Variants in SPTLC1 observed in about 807,000 individuals in gnomAD.
The protein encoded by SPTLC1 is serine palmitoyltransferase 1.
Under a neutral mutation model 68.9 loss-of-function variants are expected in SPTLC1, and 55 were observed. That is an observed-to-expected ratio of 0.80 (90% confidence interval 0.64 to 1.00). The LOEUF is 1.00. Among genes scored for constraint, SPTLC1 ranks in the 50% least tolerant of loss-of-function variants. The probability of loss-of-function intolerance (pLI) is 0.00; values close to 1 mark genes in which losing one functional copy is unlikely to be tolerated. For synonymous variants in SPTLC1, 197 were observed against 201.6 expected, an observed-to-expected ratio of 0.98 and a Z score of 0.19; for missense variants, 449 against 573.1, an observed-to-expected ratio of 0.78 and a Z score of 2.21.
intron 6 of SPTLC1, among the ~76,000 whole-genome samples, chr9:92,060,079 G>C (rs1834033524): frequency 6.6e-6 from 1 of 152,082 alleles, no homozygotes; most frequent in Non-Finnish European, 1.5e-5. Flanking sequence ...AGGACTATTA[G>C]CATCACCCAG....
intron 5 of SPTLC1, 151 bp downstream of exon 5, chr9:92,079,865 T>C: frequency 2.7e-6 from 2 of 748,368 alleles, no homozygotes; most frequent in Non-Finnish European, 4.8e-6. Context: ...ATATTGCCCA[T>C]GCTGGTATCA....
intron 3 of SPTLC1, among the ~76,000 whole-genome samples, chr9:92,102,238 TG>T (rs1281959389): frequency 1.3e-5 from 2 of 152,246 alleles, no homozygotes; most frequent in Non-Finnish European, 2.9e-5. Flanking sequence ...CAAATGCTTA[TG>T]GAATTCATCA....
intron 6 of SPTLC1, among the ~76,000 whole-genome samples, chr9:92,063,925 C>T (rs900794663): frequency 7.9e-5 from 12 of 152,230 alleles, no homozygotes; most frequent in Non-Finnish European, 1.0e-4. Flanking sequence ...AAAGAGTAAA[C>T]GCTTTCTAAT....
At chr9:92,096,545 T>TA (rs894349160) in intron 3 of SPTLC1, among the ~76,000 whole-genome samples, 206 of 152,328 alleles carry the variant, frequency 1.4e-3, no homozygotes, top group African/African-American at 4.7e-3. Context: ...AGACCATCCT[T>TA]ACATTTATGG....
In SPTLC1 at chr9:92,031,797, C is replaced by T. The variant is rs1395393023; in HGVS notation, c.*668G>A. The T allele has an allele frequency of 6.5e-6, 1 of 153,438 alleles. No individual in the cohort carries two copies. The highest frequency in any genetic ancestry group is 1.5e-5 in the Non-Finnish European group (1 of 68,668). 9.5% of individuals were successfully genotyped at this position (153,438 alleles called of 1,614,324 possible). A position where few individuals can be genotyped will look rare whatever the true frequency, so the allele number is the denominator to read the frequency against. On this transcript the variant is annotated 3_prime_UTR_variant, in exon 15 of 15. Coordinates refer to ENST00000262554, the MANE Select transcript of SPTLC1 (RefSeq NM_006415.4). ...AGCTTCTGATTTAAATTATTGCTCACTTAGGAAGTATAATGAATATTCTCT... is the reference window on the plus strand; with the variant it reads ...AGCTTCTGATTTAAATTATTGCTCATTTAGGAAGTATAATGAATATTCTCT...
At chr9:92,107,405 T>C (rs7859570) in intron 3 of SPTLC1, among the ~76,000 whole-genome samples, 80,751 of 152,094 alleles carry the variant, frequency 0.53, 24,627 homozygotes, top group African/African-American at 0.85. Context: ...TCAAATTAGA[T>C]CTTTAGGGTA....
At chr9:92,038,199 C>A in intron 13 of SPTLC1, 49 bp downstream of exon 13, 1 of 1,265,350 alleles carries the variant, frequency 7.9e-7, no homozygotes, top group Non-Finnish European at 1.2e-6. Flanking sequence ...TTGCTTGGGG[C>A]AAGGGCAGAA....
At chr9:92,066,112 C>G (rs1834270581) in intron 6 of SPTLC1, among the ~76,000 whole-genome samples, 1 of 152,120 alleles carries the variant, frequency 6.6e-6, no homozygotes, top group Non-Finnish European at 1.5e-5. Context: ...AAGTAATGGG[C>G]TCCCAGCAAG....
At chr9:92,077,903 T>C (rs1834740967) in intron 5 of SPTLC1, among the ~76,000 whole-genome samples, 1 of 152,080 alleles carries the variant, frequency 6.6e-6, no homozygotes, top group Non-Finnish European at 1.5e-5. Flanking sequence ...TCCCATTCCC[T>C]TGCCACCCTC....
intron 10 of SPTLC1, 52 bp downstream of exon 10, chr9:92,047,561 C>T (rs773735038): frequency 4.0e-5 from 48 of 1,194,324 alleles, no homozygotes; most frequent in Non-Finnish European, 5.6e-5. Context: ...TTTGAGGTGA[C>T]CAATGGAGAA....
At chr9:92,035,030 C>A in intron 13 of SPTLC1, 147 bp from the exon 14 acceptor site, 1 of 754,906 alleles carries the variant, frequency 1.3e-6, no homozygotes, top group South Asian at 1.4e-5. Context: ...TACTACACCA[C>A]CACCTTGGCA....
chr9:92,093,763 C>A (rs559967785), intron 3 of SPTLC1, among the ~76,000 whole-genome samples: 1 of 152,226 alleles, frequency 6.6e-6, no homozygotes, highest in East Asian at 1.9e-4. Flanking sequence ...TCTAATGGAG[C>A]TCTATAAACT....
chr9:92,058,305 G>A (rs1833965697), intron 7 of SPTLC1, among the ~76,000 whole-genome samples: 1 of 151,858 alleles, frequency 6.6e-6, no homozygotes, highest in African/African-American at 2.4e-5. Flanking sequence ...CAAATATTTG[G>A]AAAATTGAAA....
At chr9:92,063,189 A>G (rs1408452439) in intron 6 of SPTLC1, among the ~76,000 whole-genome samples, 1 of 152,286 alleles carries the variant, frequency 6.6e-6, no homozygotes, top group East Asian at 1.9e-4. Context: ...AACAAGGTAT[A>G]TAACTGTGGA....
intron 14 of SPTLC1, 94 bp from the exon 15 acceptor site, chr9:92,032,652 G>A: frequency 6.7e-7 from 1 of 1,502,372 alleles, no homozygotes; most frequent in East Asian, 2.3e-5. Flanking sequence ...CAAGGCAGGT[G>A]GATCACGAGG....
chr9:92,094,044 T>C (rs1835452926), intron 3 of SPTLC1, among the ~76,000 whole-genome samples: 1 of 152,236 alleles, frequency 6.6e-6, no homozygotes, highest in South Asian at 2.1e-4. Flanking sequence ...ATTAAAAATC[T>C]AAAAGGTATT....
Position 92,054,858 on chromosome 9 carries a change from G to A in SPTLC1, c.780+547C>T, listed in dbSNP as rs1424546053. On this transcript the variant is annotated intron_variant, in intron 8 of 14. Transcript: ENST00000262554. ...AACCTCGGGGAGGAGGTTGCAGTGA[G>A]CCAAGATGGCGCCACTGCACTCCAG... is the stretch of plus-strand genomic sequence containing the variant. Among the ~76,000 whole-genome samples, 2 of 152,100 alleles carry A rather than the reference G, an allele frequency of 1.3e-5. 1 individual carries two copies.
intron 10 of SPTLC1, 63 bp from the exon 11 acceptor site, chr9:92,047,331 G>T: frequency 7.2e-7 from 1 of 1,390,104 alleles, no homozygotes; most frequent in Non-Finnish European, 1.0e-6. Flanking sequence ...ACATTTGAAA[G>T]GCACCAGTTC....
At chr9:92,112,953 C>T (rs979389663) in intron 1 of SPTLC1, among the ~76,000 whole-genome samples, 1 of 151,952 alleles carries the variant, frequency 6.6e-6, no homozygotes, top group African/African-American at 2.4e-5. Flanking sequence ...ATTAAAAATA[C>T]AAAATTAGCT....
Sources: allele counts gnomAD v4.1 joint callset (sites outside exome capture counted in the v4.1 genomes callset), GRCh38; gene constraint gnomAD v4.1.1; transcripts MANE v1.5; gene names NCBI Gene and HGNC (gene_info 2026-07-23, HGNC 2026-07-21).